ERC1: variants seen among roughly 807,000 people sequenced by gnomAD.
ERC1 encodes RAB6 interacting protein 2.
A neutral mutation model predicts 132.0 loss-of-function variants in ERC1; 56 were observed. The ratio of observed to expected loss-of-function variants is 0.42; its 90% CI spans 0.34 to 0.53. The LOEUF is 0.53. Among genes scored for constraint, ERC1 ranks in the 20% least tolerant of loss-of-function variants. The pLI is 0.03. For synonymous variants in ERC1, 478 were observed against 476.1 expected, an observed-to-expected ratio of 1.00 and a Z score of -0.05; for missense variants, 1,202 against 1,349.9, an observed-to-expected ratio of 0.89 and a Z score of 1.72.
At chr12:1,489,026 G>A (rs1462017691) in intron 18 of ERC1, among the ~76,000 whole-genome samples, 1 of 152,118 alleles carries the variant, frequency 6.6e-6, no homozygotes, top group African/African-American at 2.4e-5. Flanking sequence ...CTCCTTTTTT[G>A]TGGTTGTGGT....
chr12:1,030,896 C>T (rs1382211770), intron 2 of ERC1, among the ~76,000 whole-genome samples: 1 of 152,140 alleles, frequency 6.6e-6, no homozygotes, highest in Non-Finnish European at 1.5e-5. Context: ...ATCCTATATC[C>T]TAGGTGTGTG....
intron 1 of ERC1, among the ~76,000 whole-genome samples, chr12:993,999 G>A (rs945173009): frequency 1.1e-4 from 17 of 149,238 alleles, no homozygotes; most frequent in African/African-American, 3.0e-4. Flanking sequence ...AACCTGGGAG[G>A]TGGAGCTTGC....
chr12:1,195,691 T>C (rs1324458859), intron 12 of ERC1, among the ~76,000 whole-genome samples: 1 of 151,922 alleles, frequency 6.6e-6, no homozygotes, highest in Non-Finnish European at 1.5e-5. Flanking sequence ...GTCCAGAGAG[T>C]GACAGTTAAC....
chr12:1,465,782 C>A (rs539196346), intron 18 of ERC1, among the ~76,000 whole-genome samples: 1 of 152,352 alleles, frequency 6.6e-6, no homozygotes, highest in South Asian at 2.1e-4. Context: ...CAGCCCTCCA[C>A]GGCAGCACTA....
intron 15 of ERC1, among the ~76,000 whole-genome samples, chr12:1,292,836 C>T (rs2154341107): frequency 6.6e-6 from 1 of 151,932 alleles, no homozygotes; most frequent in Non-Finnish European, 1.5e-5. Context: ...CATGGTGAAA[C>T]CCCGTCTCTA....
chr12:1,443,229 A>C (rs1386432261), intron 17 of ERC1: 1 of 152,188 alleles, frequency 6.6e-6, no homozygotes, highest in Non-Finnish European at 1.5e-5. Flanking sequence ...AAGTGTATGC[A>C]AAAGTCTTAT....
At chr12:1,473,956 T>C (rs1185336394) in intron 18 of ERC1, among the ~76,000 whole-genome samples, 1 of 152,248 alleles carries the variant, frequency 6.6e-6, no homozygotes, top group East Asian at 1.9e-4. Flanking sequence ...CAGATCCCTC[T>C]GACTGTGTAA....
chr12:1,383,155 C>T (rs777918379), intron 16 of ERC1, among the ~76,000 whole-genome samples: 13 of 152,168 alleles, frequency 8.5e-5, no homozygotes, highest in Non-Finnish European at 1.2e-4. Flanking sequence ...TATAAATCTT[C>T]TGTGTTTCCT....
chr12:1,066,890 T>C (rs1939315868), intron 2 of ERC1, among the ~76,000 whole-genome samples: 1 of 152,046 alleles, frequency 6.6e-6, no homozygotes, highest in African/African-American at 2.4e-5. Context: ...CTTATGTTTA[T>C]TTGAGTTTGG....
intron 3 of ERC1, among the ~76,000 whole-genome samples, chr12:1,092,336 T>G (rs1327849045): frequency 6.6e-6 from 1 of 152,194 alleles, no homozygotes; most frequent in Non-Finnish European, 1.5e-5. Context: ...TTTCCCTGTT[T>G]TAACAATGAA....
At chr12:1,041,892 G>C (rs12322480) in intron 2 of ERC1, among the ~76,000 whole-genome samples, 17,953 of 152,136 alleles carry the variant, frequency 0.12, 1,536 homozygotes, top group African/African-American at 0.24. Flanking sequence ...TAACCAACAG[G>C]CCTGCGCCAT....
intron 17 of ERC1, among the ~76,000 whole-genome samples, chr12:1,431,187 G>C (rs192014514): frequency 1.3e-5 from 2 of 152,196 alleles, no homozygotes; most frequent in Admixed American, 1.3e-4. Context: ...CATCTTTACA[G>C]ATCAAGTCAC....
intron 3 of ERC1, among the ~76,000 whole-genome samples, chr12:1,098,460 G>C (rs1033568928): frequency 6.6e-6 from 1 of 152,202 alleles, no homozygotes; most frequent in African/African-American, 2.4e-5. Context: ...GAAATGGTTA[G>C]ACTCAAGAAA....
chr12:1,456,562 A>G (rs2154418798), intron 18 of ERC1, among the ~76,000 whole-genome samples: 1 of 152,254 alleles, frequency 6.6e-6, no homozygotes, highest in Middle Eastern at 3.4e-3. Flanking sequence ...GTATACATTG[A>G]AGAACAGCCA....
In ERC1 at chr12:1,072,700, C is replaced by G. The variant is rs114694535; in HGVS notation, c.670-10464C>G. 4.9e-3 allele frequency among the ~76,000 whole-genome samples: 741 copies of G among 151,984 alleles called. 2 individuals carry two copies. Among genetic ancestry groups the G allele is most frequent in the African/African-American group, 0.017 (694 of 41,464 alleles). ...TTCTGTGTTTTAATTTTAATTTTTA[C>G]TTTTATTTTTGAGACAGAGTCTCGC... On this transcript the variant is annotated intron_variant, in intron 2 of 18. Transcript: ENST00000360905.
intron 17 of ERC1, among the ~76,000 whole-genome samples, chr12:1,412,335 A>G (rs992937994): frequency 2.0e-5 from 3 of 152,246 alleles, no homozygotes; most frequent in African/African-American, 7.2e-5. Context: ...TAGGACACCA[A>G]TACATACTGA....
At chr12:1,236,464 A>T (rs1302833397) in intron 12 of ERC1, among the ~76,000 whole-genome samples, 1 of 152,174 alleles carries the variant, frequency 6.6e-6, no homozygotes, top group Non-Finnish European at 1.5e-5. Context: ...GTATTTCCAA[A>T]ATCTCTGACT....
chr12:1,027,122 T>G (rs976436973), intron 1 of ERC1, among the ~76,000 whole-genome samples: 11 of 152,348 alleles, frequency 7.2e-5, no homozygotes, highest in African/African-American at 2.6e-4. Flanking sequence ...TTGATTTACA[T>G]CAAAGTACTT....
intron 8 of ERC1, among the ~76,000 whole-genome samples, chr12:1,180,265 G>GTA (rs1718296655): frequency 6.8e-6 from 1 of 147,586 alleles, no homozygotes; most frequent in African/African-American, 2.7e-5. Context: ...GTGTGTGTGT[G>GTA]TGTGTGTGTG....
Sources: allele counts gnomAD v4.1 joint callset (sites outside exome capture counted in the v4.1 genomes callset), GRCh38; gene constraint gnomAD v4.1.1; transcripts MANE v1.5; gene names NCBI Gene and HGNC (gene_info 2026-07-23, HGNC 2026-07-21).